Variants in C8orf58 observed in about 807,000 individuals in gnomAD.
C8orf58 encodes chromosome 8 open reading frame 58, also known as uncharacterized protein C8orf58.
Under a neutral mutation model 36.8 loss-of-function variants are expected in C8orf58, and 31 were observed. The ratio of observed to expected loss-of-function variants is 0.84; its 90% CI spans 0.63 to 1.14. The LOEUF is 1.14. Ranked by LOEUF, C8orf58 falls within the 50% of genes most tolerant of loss-of-function variation. The probability of loss-of-function intolerance (pLI) is 0.00; values close to 1 mark genes in which losing one functional copy is unlikely to be tolerated. For missense variants in C8orf58, 538 were observed against 480.8 expected, an observed-to-expected ratio of 1.12 and a Z score of -1.11; for synonymous variants, 230 against 200.2, an observed-to-expected ratio of 1.15 and a Z score of -1.26.
At chr8:22,600,195 G>C (rs1239630600) in intron 1 of C8orf58, 1 of 166,956 alleles carries the variant, frequency 6.0e-6, no homozygotes, top group Non-Finnish European at 1.3e-5. Context: ...CCTGTTTCCC[G>C]TACCGTTCAT....
At position 22,603,188 on chromosome 8, in the gene C8orf58, T is replaced by C. The variant is rs770380701; in HGVS notation, c.987-7T>C. The C allele has an allele frequency of 6.2e-7, 1 of 1,600,338 alleles. No individual in the cohort carries two copies. Among genetic ancestry groups the C allele is most frequent in the South Asian group, 1.1e-5 (1 of 90,782 alleles). On this transcript the variant is annotated splice_polypyrimidine_tract_variant and splice_region_variant and intron_variant, in intron 6 of 6. Transcript: ENST00000289989. ...TTCTAGCCTAATGTCTTCTTTTCAT[T>C]CCACAGGATCGAGTCCAGGGACCTC...
Position 22,603,422 on chromosome 8 carries a change from C to G in C8orf58, c.*116C>G. On this transcript the variant is annotated 3_prime_UTR_variant, in exon 7 of 7. Coordinates refer to ENST00000289989, the MANE Select transcript of C8orf58 (RefSeq NM_001013842.3). Reference sequence around the variant, plus strand: ...CCAGGAAAAGCTGCTGACGCCTGCCCTCCTCTCTTGAGTCGAGGGCTGAAT... The same window carrying G: ...CCAGGAAAAGCTGCTGACGCCTGCCGTCCTCTCTTGAGTCGAGGGCTGAAT... 1.3e-6 allele frequency: 1 copy of G among 772,118 alleles called. No individual in the cohort carries two copies. Among genetic ancestry groups the G allele is most frequent in the Non-Finnish European group, 2.3e-6 (1 of 436,746 alleles). The allele number at this position is 772,118 out of a possible 1,614,324, so 47.8% of individuals were successfully genotyped here.
chr8:22,601,126 C>A lies in C8orf58; in HGVS notation c.285C>A (p.Ser95=). 1 of 1,611,994 alleles carries A rather than the reference C, an allele frequency of 6.2e-7. No homozygotes were observed. Among genetic ancestry groups the A allele is most frequent in the Non-Finnish European group, 8.5e-7 (1 of 1,179,948 alleles). The change falls in exon 2 of 7, where the codon TCC becomes TCA. Residue 95 remains serine (S), a synonymous_variant. Transcript: ENST00000289989. ...GLSQDSLDFE[S]SGSSEPPAQV... is the part of the protein sequence containing the mutation. ...CTCAGGACTCCCTGGACTTTGAATC[C>A]TCAGGGAGTTCTGAGCCCCCCGCCC...
intron 6 of C8orf58, chr8:22,602,923 C>T (rs1454269309): frequency 6.8e-6 from 4 of 586,714 alleles, no homozygotes; most frequent in Non-Finnish European, 9.1e-6. Context: ...TCAGCAACCC[C>T]TCACCCTCAA....
At chr8:22,600,856 C>T in intron 1 of C8orf58, 26 bp from the exon 2 acceptor site, 2 of 1,560,738 alleles carry the variant, frequency 1.3e-6, no homozygotes. Context: ...GTGGCCTGCC[C>T]AGCCTGACGC....
intron 6 of C8orf58, 65 bp downstream of exon 6, chr8:22,602,708 T>C (rs1189800165): frequency 1.9e-6 from 2 of 1,063,916 alleles, no homozygotes; most frequent in South Asian, 1.5e-5. Context: ...GATGCTGAGA[T>C]TGTCATGCCA....
chr8:22,601,738 GGCCT>G lies in C8orf58; in HGVS notation c.548_551del (p.Cys183SerfsTer66). 6.2e-7 allele frequency: 1 copy of G among 1,611,204 alleles called. No individual in the cohort carries two copies. Among genetic ancestry groups the G allele is most frequent in the Non-Finnish European group, 8.5e-7 (1 of 1,179,278 alleles). Reference sequence around the variant, plus strand: ...TGGGGGGCCTGGGGCCTGGAGCCTGGGCCTGCCTCCCCGGGCAGGGTCTTCGCTA... The same window carrying G: ...TGGGGGGCCTGGGGCCTGGAGCCTGGGCCTCCCCGGGCAGGGTCTTCGCTA... On this transcript the variant is annotated frameshift_variant, in exon 3 of 7. Coordinates refer to ENST00000289989, the MANE Select transcript of C8orf58 (RefSeq NM_001013842.3). LOFTEE classifies it high-confidence loss of function.
In C8orf58 at chr8:22,603,313, T is replaced by G; in HGVS notation, c.*7T>G. ...AAACCTTTCTGTAGGCTGAGACCTC[T>G]CGGTGCACCTGGTGACCCTGGGTGG... On this transcript the variant is annotated 3_prime_UTR_variant, in exon 7 of 7. Coordinates refer to ENST00000289989, the MANE Select transcript of C8orf58 (RefSeq NM_001013842.3). The G allele has an allele frequency of 6.3e-7, 1 of 1,593,124 alleles. No individual in the cohort carries two copies. The highest frequency in any genetic ancestry group is 8.6e-7 in the Non-Finnish European group (1 of 1,161,132).
chr8:22,602,371 G>A (rs765214972), intron 5 of C8orf58, 59 bp downstream of exon 5: 7 of 1,222,554 alleles, frequency 5.7e-6, no homozygotes, highest in Non-Finnish European at 8.2e-6. Flanking sequence ...GGGGAGGTGG[G>A]GGATGCATGG....
At chr8:22,599,847 C>G (rs1375584491) in intron 1 of C8orf58, 87 bp downstream of exon 1, 1 of 601,952 alleles carries the variant, frequency 1.7e-6, no homozygotes, top group Non-Finnish European at 2.4e-6. Flanking sequence ...CTCTCAGTTT[C>G]TTGCCCAGCC....
At position 22,601,021 on chromosome 8, in the gene C8orf58, C is replaced by T. The variant is rs1800832694; in HGVS notation, c.180C>T (p.Leu60=). ...DKFRGVGREA[L]FLKLASRDSG... The stretch of plus-strand genomic sequence containing the variant: ...TCAGAGGTGTCGGCAGGGAGGCACT[C>T]TTTCTCAAACTGGCCTCCCGGGACT... The change falls in exon 2 of 7, where the codon CTC becomes CTT. Residue 60 remains leucine (L), a synonymous_variant. Coordinates refer to ENST00000289989, the MANE Select transcript of C8orf58 (RefSeq NM_001013842.3). The T allele has an allele frequency of 7.4e-6, 12 of 1,612,842 alleles. No homozygotes were observed. The highest frequency in any genetic ancestry group is 1.3e-5 in the African/African-American group (1 of 75,070).
intron 1 of C8orf58, chr8:22,600,175 GC>G (rs932708892): frequency 1.2e-5 from 2 of 171,510 alleles, no homozygotes; most frequent in East Asian, 1.5e-4. Context: ...GCTCGTCCCC[GC>G]CCCCCTAGCC....
intron 2 of C8orf58, 78 bp downstream of exon 2, chr8:22,601,435 T>G (rs1800854439): frequency 8.2e-7 from 1 of 1,221,382 alleles, no homozygotes; most frequent in Non-Finnish European, 1.1e-6. Context: ...GAGCTCTCTC[T>G]GGGTGGGGCA....
At position 22,601,200 on chromosome 8, in the gene C8orf58, G is replaced by C. The variant is rs781224538; in HGVS notation, c.359G>C (p.Arg120Pro). 10 of 1,608,486 alleles carry C rather than the reference G, an allele frequency of 6.2e-6. No individual in the cohort carries two copies. Among genetic ancestry groups the C allele is most frequent in the South Asian group, 1.1e-5 (1 of 90,616 alleles). ...CAGAAGCTGGGGGAGGTGTTGGAGC[G>C]GTCCCGCCGGCTCCCAACAGCTCCC... ...ASQKLGEVLE[R>P]SRRLPTAPTS... The change falls in exon 2 of 7, where the codon CGG becomes CCG. Residue 120 changes from arginine (R) to proline (P), a missense_variant. Transcript: ENST00000289989.
At chr8:22,603,094 C>T (rs1800918722) in intron 6 of C8orf58, 101 bp from the exon 7 acceptor site, 1 of 882,540 alleles carries the variant, frequency 1.1e-6, no homozygotes, top group African/African-American at 1.7e-5. Context: ...TGCGCCCACA[C>T]CCAGCTACCC....
chr8:22,603,729 A>C lies in C8orf58; in HGVS notation c.*423A>C. 1 of 318,112 alleles carries C rather than the reference A, an allele frequency of 3.1e-6. No homozygotes were observed. The highest frequency in any genetic ancestry group is 6.2e-6 in the Non-Finnish European group (1 of 161,380). 19.7% of individuals were successfully genotyped at this position (318,112 alleles called of 1,614,324 possible). ...ATCTCTTCTGAAATAATGCATCCAA[A>C]GGGTTGATATTCTGGGGGAGGTCAC... On this transcript the variant is annotated 3_prime_UTR_variant, in exon 7 of 7. Coordinates refer to ENST00000289989, the MANE Select transcript of C8orf58 (RefSeq NM_001013842.3).
intron 5 of C8orf58, 26 bp downstream of exon 5, chr8:22,602,338 G>A: frequency 6.9e-7 from 1 of 1,452,838 alleles, no homozygotes; most frequent in South Asian, 1.2e-5. Context: ...ATGTGGGGCA[G>A]GTGGTGGGCT....
chr8:22,603,318 G>A lies in C8orf58; in HGVS notation c.*12G>A, dbSNP rs368352306. On this transcript the variant is annotated 3_prime_UTR_variant, in exon 7 of 7. Coordinates refer to ENST00000289989, the MANE Select transcript of C8orf58 (RefSeq NM_001013842.3). ...TTTCTGTAGGCTGAGACCTCTCGGT[G>A]CACCTGGTGACCCTGGGTGGAGGGG... The A allele has an allele frequency of 8.6e-5, 136 of 1,581,040 alleles. No individual in the cohort carries two copies. Among genetic ancestry groups the A allele is most frequent in the Non-Finnish European group, 1.1e-4 (126 of 1,150,282 alleles).
rs557619901 is a variant in C8orf58 at position 22,603,649 on chromosome 8, A to G, written c.*343A>G. 2 of 387,592 alleles carry G rather than the reference A, an allele frequency of 5.2e-6. No homozygotes were observed. Among genetic ancestry groups the G allele is most frequent in the South Asian group, 4.3e-5 (2 of 46,874 alleles). The allele number at this position is 387,592 out of a possible 1,614,324, so 24.0% of individuals were successfully genotyped here. A position where few individuals can be genotyped will look rare whatever the true frequency, so the allele number is the denominator to read the frequency against. ...TGTTGCAGATGTGTATTTATGCGCA[A>G]TGGTATGCATATCTCTGTGTGACTG... On this transcript the variant is annotated 3_prime_UTR_variant, in exon 7 of 7. Transcript: ENST00000289989.
Sources: gnomAD v4.1 joint callset for allele counts on GRCh38, gnomAD v4.1.1 for gene constraint, MANE v1.5 for transcripts, NCBI Gene and HGNC (gene_info 2026-07-23, HGNC 2026-07-21) for gene names.